KATNAL1: variants seen among roughly 807,000 people sequenced by gnomAD.
KATNAL1 encodes katanin catalytic subunit A1 like 1, also known as katanin p60 ATPase-containing subunit A-like 1.
Under a neutral mutation model 55.2 loss-of-function variants are expected in KATNAL1, and 32 were observed. That is an observed-to-expected ratio of 0.58 (90% confidence interval 0.44 to 0.78). The LOEUF (loss-of-function observed/expected upper bound fraction) is 0.78. Among genes scored for constraint, KATNAL1 ranks in the 30% least tolerant of loss-of-function variants. The probability of loss-of-function intolerance (pLI) is 0.00; values close to 1 mark genes in which losing one functional copy is unlikely to be tolerated. For missense variants in KATNAL1, 466 were observed against 600.9 expected (o/e 0.78, Z 2.35); for synonymous variants, 193 against 193.6 (o/e 1.00, Z 0.02).
At chr13:30,221,582 T>C (rs1037706736) in intron 9 of KATNAL1, among the ~76,000 whole-genome samples, 1 of 152,246 alleles carries the variant, frequency 6.6e-6, no homozygotes, top group South Asian at 2.1e-4. Context: ...ATTATCCATT[T>C]CTGAATAAAA....
chr13:30,292,857 T>C (rs138710025), intron 1 of KATNAL1, among the ~76,000 whole-genome samples: 1 of 152,334 alleles, frequency 6.6e-6, no homozygotes, highest in African/African-American at 2.4e-5. Flanking sequence ...GAAATAATTT[T>C]CCTTGAGAAT....
At chr13:30,237,900 C>A (rs1296026323) in intron 6 of KATNAL1, among the ~76,000 whole-genome samples, 1 of 152,182 alleles carries the variant, frequency 6.6e-6, no homozygotes, top group Non-Finnish European at 1.5e-5. Flanking sequence ...GCCTTCTTGA[C>A]ACATATATTA....
intron 8 of KATNAL1, 48 bp from the exon 9 acceptor site, chr13:30,227,594 T>C: frequency 6.4e-7 from 1 of 1,572,902 alleles, no homozygotes; most frequent in South Asian, 1.2e-5. Flanking sequence ...TACAACTCTT[T>C]ATTCTTTCAT....
At chr13:30,270,699 G>C (rs968431993) in intron 3 of KATNAL1, among the ~76,000 whole-genome samples, 1 of 151,604 alleles carries the variant, frequency 6.6e-6, no homozygotes, top group Non-Finnish European at 1.5e-5. Context: ...TTGTTAAACA[G>C]ATGCTTGAAG....
intron 1 of KATNAL1, among the ~76,000 whole-genome samples, chr13:30,297,172 A>G (rs373204430): frequency 6.8e-4 from 103 of 151,502 alleles, no homozygotes; most frequent in African/African-American, 1.8e-3. Context: ...AAAAGAAAAG[A>G]AGGAGGAGGA....
At position 30,222,219 on chromosome 13, in the gene KATNAL1, C is replaced by T. The variant is rs60963749; in HGVS notation, c.1147+5193G>A. Among the ~76,000 whole-genome samples, 276 of 152,168 alleles carry T rather than the reference C, an allele frequency of 1.8e-3. 4 individuals are homozygous for T. In the East Asian group the frequency reaches 0.046, roughly 26 times the overall value. On this transcript the variant is annotated intron_variant, in intron 9 of 10. Transcript: ENST00000380615. ...GTCTGAATAAAACACAACACTGAAC[C>T]GCGACACTGCCCCCACCGCCCACAC...
intron 8 of KATNAL1, among the ~76,000 whole-genome samples, chr13:30,227,876 G>T (rs1450854803): frequency 1.3e-5 from 2 of 151,864 alleles, no homozygotes; most frequent in African/African-American, 4.8e-5. Context: ...TGGGAGATTA[G>T]GCTCTGTTTT....
At chr13:30,244,317 C>T (rs568197871) in intron 4 of KATNAL1, among the ~76,000 whole-genome samples, 1 of 152,272 alleles carries the variant, frequency 6.6e-6, no homozygotes, top group Admixed American at 6.5e-5. Context: ...TTTTCTTCAT[C>T]CAGTCTACCA....
chr13:30,281,043 G>T (rs1302877665), intron 2 of KATNAL1, among the ~76,000 whole-genome samples: 2 of 144,628 alleles, frequency 1.4e-5, no homozygotes, highest in African/African-American at 5.3e-5. Flanking sequence ...TGAGGCAGAA[G>T]GATCACTTGA....
At chr13:30,219,076 C>T (rs1874596034) in intron 9 of KATNAL1, among the ~76,000 whole-genome samples, 1 of 152,122 alleles carries the variant, frequency 6.6e-6, no homozygotes, top group East Asian at 1.9e-4. Context: ...TTTCTGATTT[C>T]ATCTATCCTG....
At chr13:30,264,001 C>A (rs1237003636) in intron 3 of KATNAL1, among the ~76,000 whole-genome samples, 7 of 148,462 alleles carry the variant, frequency 4.7e-5, no homozygotes, top group Non-Finnish European at 1.1e-4. Context: ...GTAACCAAAA[C>A]AGCATGGTAC....
intron 2 of KATNAL1, among the ~76,000 whole-genome samples, chr13:30,280,638 A>G (rs1260958885): frequency 6.6e-6 from 1 of 152,158 alleles, no homozygotes; most frequent in East Asian, 1.9e-4. Flanking sequence ...TCCTATTCCC[A>G]ATATCACTAA....
chr13:30,274,417 T>C (rs1405915585), intron 3 of KATNAL1, among the ~76,000 whole-genome samples: 1 of 150,390 alleles, frequency 6.6e-6, no homozygotes, highest in Non-Finnish European at 1.5e-5. Context: ...TTCTACAGAA[T>C]AGCACTAATT....
intron 3 of KATNAL1, among the ~76,000 whole-genome samples, chr13:30,275,085 G>A (rs867888408): frequency 2.4e-4 from 37 of 152,170 alleles, no homozygotes; most frequent in African/African-American, 8.4e-4. Context: ...GTTTGTTTTT[G>A]TTTTGCATTG....
At chr13:30,304,384 C>T (rs2137578544) in intron 1 of KATNAL1, among the ~76,000 whole-genome samples, 1 of 152,106 alleles carries the variant, frequency 6.6e-6, no homozygotes, top group Admixed American at 6.5e-5. Context: ...ATTCTCCTGC[C>T]TCAGCCTCCT....
At chr13:30,222,592 T>C (rs896128690) in intron 9 of KATNAL1, among the ~76,000 whole-genome samples, 1 of 152,180 alleles carries the variant, frequency 6.6e-6, no homozygotes, top group Non-Finnish European at 1.5e-5. Flanking sequence ...CTGTAATTGC[T>C]AGAGCAACTG....
intron 2 of KATNAL1, among the ~76,000 whole-genome samples, chr13:30,280,522 A>G (rs533590795): frequency 6.6e-6 from 1 of 152,342 alleles, no homozygotes; most frequent in South Asian, 2.1e-4. Flanking sequence ...GCAACTAAGT[A>G]GGTAACAAGT....
chr13:30,208,454 A>G lies in KATNAL1; in HGVS notation c.*86T>C. On this transcript the variant is annotated 3_prime_UTR_variant, in exon 11 of 11. Transcript: ENST00000380615. ...AAGCGAAAACCACTCCACTGAAAAA[A>G]ATTCCAAACTTGTTTTTTAAAAATT... 1 of 1,243,814 alleles carries G rather than the reference A, an allele frequency of 8.0e-7. No individual in the cohort carries two copies. 77.0% of individuals were successfully genotyped at this position (1,243,814 alleles called of 1,614,324 possible). A position where few individuals can be genotyped will look rare whatever the true frequency, so the allele number is the denominator to read the frequency against.
intron 1 of KATNAL1, among the ~76,000 whole-genome samples, chr13:30,285,505 G>A (rs1881720783): frequency 6.6e-6 from 1 of 152,170 alleles, no homozygotes; most frequent in Non-Finnish European, 1.5e-5. Flanking sequence ...CTTCCCCCAT[G>A]ATTCTAAGTT....
Sources: gnomAD v4.1 joint callset for allele counts (sites outside exome capture counted in the v4.1 genomes callset) on GRCh38, gnomAD v4.1.1 for gene constraint, MANE v1.5 for transcripts, NCBI Gene and HGNC (gene_info 2026-07-23, HGNC 2026-07-21) for gene names.